The following SHISAL1 variants were observed in gnomAD, a reference collection of about 807,000 sequenced individuals.
The protein encoded by SHISAL1 is shisa like 1, also known as protein shisa-like-1.
In SHISAL1, 9 loss-of-function variants were observed where a neutral mutation model predicts 22.6. The observed-to-expected ratio is 0.40, with a 90% CI of 0.24 to 0.70. The LOEUF (loss-of-function observed/expected upper bound fraction) is 0.70, where lower values mean the gene tolerates loss of function less well. SHISAL1 is among the 30% of genes least tolerant of loss of function. The pLI is 0.39. For synonymous variants in SHISAL1, 119 were observed against 115.4 expected, an observed-to-expected ratio of 1.03 and a Z score of -0.20; for missense variants, 246 against 270.6, an observed-to-expected ratio of 0.91 and a Z score of 0.64.
rs757448925 is a variant in SHISAL1 at position 44,285,567 on chromosome 22, G to T, written c.460C>A (p.Arg154=). ...GCCCGCTGACCCGGCCGAGGGGCCC[G>T]AGCGGGGTTCCCCCACCGCCGGGGG... ...QDPRRWGNPA[R]APRPGQRAPQ... Residue 154 remains arginine (R), a synonymous_variant, in exon 4 of 5, where the codon CGG becomes AGG. Transcript: ENST00000381176. The T allele has an allele frequency of 1.9e-6, 3 of 1,613,386 alleles. No individual in the cohort carries two copies. Among genetic ancestry groups the T allele is most frequent in the Non-Finnish European group, 2.5e-6 (3 of 1,179,502 alleles).
At chr22:44,331,223 T>A in the SHISAL1 span, among the ~76,000 whole-genome samples, 1 of 151,618 alleles carries the variant, frequency 6.6e-6, no homozygotes, top group South Asian at 2.1e-4. The surrounding 1 kb of genome is among the most constrained non-coding windows in gnomAD (Gnocchi z 5.2). Flanking sequence ...TCCCGCACGG[T>A]TCCTGCCCCC....
At chr22:44,325,579 C>T in the SHISAL1 span, among the ~76,000 whole-genome samples, 4 of 152,234 alleles carry the variant, frequency 2.6e-5, no homozygotes, top group East Asian at 3.9e-4. Flanking sequence ...GCTCTCAACC[C>T]GCACAGAGCC....
chr22:44,320,509 G>C, the SHISAL1 span, among the ~76,000 whole-genome samples: 2 of 152,208 alleles, frequency 1.3e-5, no homozygotes, highest in Admixed American at 1.3e-4. Context: ...CTGAGAGGGA[G>C]AGAAAATAGC....
At chr22:44,263,233 G>C (rs1408924451) in intron 4 of SHISAL1, among the ~76,000 whole-genome samples, 1 of 151,924 alleles carries the variant, frequency 6.6e-6, no homozygotes, top group African/African-American at 2.4e-5. Flanking sequence ...ACCACGCCCA[G>C]TTAGTTCTTG....
At position 44,294,136 on chromosome 22, in the gene SHISAL1, C is replaced by T. The variant is rs532149549; in HGVS notation, c.281+2536G>A. ...CACTACCCTCGTCTCTCAGGGAATT[C>T]GTTCCTTGTCTTATACAAGGCTTGG... is the stretch of plus-strand genomic sequence containing the variant. On this transcript the variant is annotated intron_variant, in intron 3 of 4. Coordinates refer to ENST00000381176, the MANE Select transcript of SHISAL1 (RefSeq NM_001099294.2). Among the ~76,000 whole-genome samples the T allele has an allele frequency of 2.6e-5, 4 of 152,362 alleles. No homozygotes were observed. In the South Asian group the frequency reaches 8.3e-4, roughly 32 times the overall value.
chr22:44,259,989 T>C (rs1368308422), intron 4 of SHISAL1, among the ~76,000 whole-genome samples: 1 of 152,180 alleles, frequency 6.6e-6, no homozygotes, highest in Admixed American at 6.5e-5. Flanking sequence ...AGGCACCCTC[T>C]GGGATTCTCC....
the SHISAL1 span, among the ~76,000 whole-genome samples, chr22:44,321,096 G>C: frequency 1.3e-5 from 2 of 152,164 alleles, no homozygotes; most frequent in South Asian, 4.1e-4. Flanking sequence ...GATTAGCAAT[G>C]TCTAATGGTA....
the SHISAL1 span, among the ~76,000 whole-genome samples, chr22:44,329,990 C>T: frequency 6.6e-6 from 1 of 152,224 alleles, no homozygotes; most frequent in Non-Finnish European, 1.5e-5. Context: ...GACTTCTCAT[C>T]AGTCTGGGTC....
At chr22:44,308,450 T>C (rs2055494547) in intron 1 of SHISAL1, among the ~76,000 whole-genome samples, 2 of 152,222 alleles carry the variant, frequency 1.3e-5, no homozygotes, top group South Asian at 4.1e-4. Context: ...TCTGGGTCTG[T>C]GGTGCCTCTG....
chr22:44,308,166 A>G (rs1048954381), intron 1 of SHISAL1, among the ~76,000 whole-genome samples: 2 of 152,138 alleles, frequency 1.3e-5, no homozygotes, highest in African/African-American at 4.8e-5. Context: ...TCAGCCCTAG[A>G]ATGGGGACCA....
intron 3 of SHISAL1, 37 bp downstream of exon 3, chr22:44,296,635 C>T (rs367800147): frequency 1.8e-5 from 29 of 1,591,876 alleles, no homozygotes; most frequent in Admixed American, 1.2e-4. Flanking sequence ...GCCTGGGGCC[C>T]GAGGCAGTGG....
At chr22:44,256,544 C>T (rs2055086392) in intron 4 of SHISAL1, among the ~76,000 whole-genome samples, 1 of 152,196 alleles carries the variant, frequency 6.6e-6, no homozygotes, top group Admixed American at 6.5e-5. Context: ...AGGCTGAATC[C>T]CTGATCTCCT....
chr22:44,250,065 T>C (rs2055036804), intron 4 of SHISAL1, among the ~76,000 whole-genome samples: 1 of 152,142 alleles, frequency 6.6e-6, no homozygotes, highest in Non-Finnish European at 1.5e-5. Context: ...AGACATCAGA[T>C]CAATTTATAA....
At chr22:44,252,752 T>G (rs545024317) in intron 4 of SHISAL1, among the ~76,000 whole-genome samples, 1 of 152,048 alleles carries the variant, frequency 6.6e-6, no homozygotes, top group East Asian at 1.9e-4. Context: ...CTCAGCACTC[T>G]GGGAGGCTGA....
At chr22:44,302,166 C>T (rs12163075) in intron 1 of SHISAL1, among the ~76,000 whole-genome samples, 21 of 152,166 alleles carry the variant, frequency 1.4e-4, no homozygotes, top group South Asian at 4.2e-4. Flanking sequence ...CCTGGACAAA[C>T]GCTGTCTCTA....
chr22:44,329,971 G>A, the SHISAL1 span, among the ~76,000 whole-genome samples: 1 of 152,206 alleles, frequency 6.6e-6, no homozygotes, highest in Non-Finnish European at 1.5e-5. Context: ...AAAGGGTGAT[G>A]GAGGGAGGGA....
intron 4 of SHISAL1, among the ~76,000 whole-genome samples, chr22:44,276,808 G>A (rs1425191078): frequency 6.6e-6 from 1 of 151,120 alleles, no homozygotes; most frequent in East Asian, 1.9e-4. Flanking sequence ...TTGGAGCTGT[G>A]GATCCGGGTG....
intron 4 of SHISAL1, among the ~76,000 whole-genome samples, chr22:44,257,081 G>A (rs567596936): frequency 3.9e-5 from 6 of 152,322 alleles, no homozygotes; most frequent in Admixed American, 2.6e-4. Flanking sequence ...CGCCCGACGC[G>A]TGTGCTGGTT....
At chr22:44,264,579 G>A (rs745792514) in intron 4 of SHISAL1, among the ~76,000 whole-genome samples, 2 of 152,114 alleles carry the variant, frequency 1.3e-5, no homozygotes, top group Non-Finnish European at 2.9e-5. Context: ...CTCAGGGGAT[G>A]TCAGTCCATG....
Sources: allele counts gnomAD v4.1 joint callset (sites outside exome capture counted in the v4.1 genomes callset), GRCh38; gene constraint gnomAD v4.1.1; non-coding constraint Gnocchi (gnomAD v3.1); transcripts MANE v1.5; gene names NCBI Gene and HGNC (gene_info 2026-07-23, HGNC 2026-07-21).